GGT1: variants seen among roughly 807,000 people sequenced by gnomAD.
GGT1 encodes the protein gamma-glutamyltransferase 1, also known as glutathione hydrolase 1 proenzyme.
Under a neutral mutation model 56.0 loss-of-function variants are expected in GGT1, and 21 were observed. The observed-to-expected ratio is 0.38, with a 90% CI of 0.27 to 0.54. The LOEUF (loss-of-function observed/expected upper bound fraction) is 0.54. Among genes scored for constraint, GGT1 ranks in the 20% least tolerant of loss-of-function variants. GGT1 has a pLI of 0.82. For synonymous variants in GGT1, 238 were observed against 342.6 expected (o/e 0.69, Z 3.37); for missense variants, 466 against 787.0 (o/e 0.59, Z 4.88).
At chr22:24,593,069 A>C, upstream of GGT1, 1 of 1,036,138 alleles carries the variant, frequency 9.7e-7, no homozygotes, top group Non-Finnish European at 1.2e-6. Flanking sequence ...CCGAACCCAC[A>C]GGAGGCCGGG....
Position 24,621,000 on chromosome 22 carries a change from C to T in GGT1, c.663C>T (p.Ala221=). ...PQLADTYETL[A]IEGAQAFYNG... is the part of the protein sequence containing the mutation. The stretch of plus-strand genomic sequence containing the variant: ...TGGCTGACACCTACGAGACGCTGGC[C>T]ATCGAGGGTGCCCAGGCCTTCTACA... Residue 221 remains alanine, a synonymous_variant, in exon 9 of 16, where the codon GCC becomes GCT. Transcript: ENST00000400382. This position sits in a 1 kb window ranked among gnomAD's most constrained non-coding sequence, Gnocchi z 5.6. The T allele has an allele frequency of 3.1e-6, 5 of 1,611,454 alleles. No individual in the cohort carries two copies. The highest frequency in any genetic ancestry group is 4.2e-6 in the Non-Finnish European group (5 of 1,179,624).
chr22:24,623,976 G>A, intron 11 of GGT1, 60 bp downstream of exon 11: 2 of 1,603,958 alleles, frequency 1.2e-6, no homozygotes, highest in South Asian at 1.1e-5. Flanking sequence ...CATCAGGTGG[G>A]CTCCCCAGGG....
At position 24,604,222 on chromosome 22, in the gene GGT1, C is replaced by T. The variant is rs541948954; in HGVS notation, c.-429+695C>T. ...GGGGTGGGTGGGTCCTGGGCTTACC[C>T]GCAGGTCTGCAGACTTCCTGGGGCC... On this transcript the variant is annotated intron_variant, in intron 1 of 15. Coordinates refer to ENST00000400382, the MANE Select transcript of GGT1 (RefSeq NM_001288833.2). Among the ~76,000 whole-genome samples, 115 of 152,152 alleles carry T rather than the reference C, an allele frequency of 7.6e-4. 1 individual carries two copies. Among genetic ancestry groups the T allele is most frequent in the African/African-American group, 2.6e-3 (109 of 41,488 alleles).
intron 7 of GGT1, among the ~76,000 whole-genome samples, chr22:24,619,777 C>G (rs4049855): frequency 0.42 from 62,244 of 148,002 alleles, 14,433 homozygotes; most frequent in African/African-American, 0.63. Context: ...GGCACATTCT[C>G]GTGGAGCCCA....
chr22:24,605,296 T>C (rs576552943), intron 1 of GGT1, among the ~76,000 whole-genome samples: 1,237 of 30,400 alleles, frequency 0.041, 221 homozygotes, highest in Middle Eastern at 0.12. Context: ...TTATATAATA[T>C]GTATTATATA....
Position 24,628,011 on chromosome 22 carries a change from G to C in GGT1, c.1336+32G>C. 1 of 1,610,708 alleles carries C rather than the reference G, an allele frequency of 6.2e-7. No individual in the cohort carries two copies. Among genetic ancestry groups the C allele is most frequent in the Non-Finnish European group, 8.5e-7 (1 of 1,179,416 alleles). On this transcript the variant is annotated intron_variant, in intron 13 of 15. Transcript: ENST00000400382. This position sits in a 1 kb window ranked among gnomAD's most constrained non-coding sequence, Gnocchi z 5.7. ...GGTGGAGGTCCGGGGGTGGGGGACTGGGGTGGAGAGGGGCGGGTGTCCTGG... is the reference window on the plus strand; with the variant it reads ...GGTGGAGGTCCGGGGGTGGGGGACTCGGGTGGAGAGGGGCGGGTGTCCTGG...
chr22:24,585,369 C>T, the GGT1 span, among the ~76,000 whole-genome samples: 2,994 of 152,292 alleles, frequency 0.02, 35 homozygotes, highest in Non-Finnish European at 0.031. Context: ...CGCTCCTTCG[C>T]AGCTCCCCTT....
Position 24,623,927 on chromosome 22 carries a change from G to C in GGT1, c.1020+11G>C. 4 of 1,609,426 alleles carry C rather than the reference G, an allele frequency of 2.5e-6. No individual in the cohort carries two copies. Among genetic ancestry groups the C allele is most frequent in the Non-Finnish European group, 3.4e-6 (4 of 1,178,930 alleles). On this transcript the variant is annotated intron_variant, in intron 11 of 15. Transcript: ENST00000400382. Reference sequence around the variant, plus strand: ...GTGGATGTGACTGAGGTAAGGGGCAGGGGCTGGCCCACTGTGGGTGTGGGG... The same window carrying C: ...GTGGATGTGACTGAGGTAAGGGGCACGGGCTGGCCCACTGTGGGTGTGGGG...
chr22:24,584,412 G>C, the GGT1 span, among the ~76,000 whole-genome samples: 4 of 152,178 alleles, frequency 2.6e-5, no homozygotes, highest in African/African-American at 9.7e-5. Flanking sequence ...TGAGATCAGT[G>C]GGGTCTGAGG....
the GGT1 span, chr22:24,586,267 G>A: frequency 1.9e-6 from 3 of 1,613,894 alleles, no homozygotes; most frequent in East Asian, 6.7e-5. Flanking sequence ...TCAGCCCCGT[G>A]AAGCTCAGGT....
At chr22:24,596,525 A>G (rs1394671535) in intron 1 of GGT1, among the ~76,000 whole-genome samples, 1 of 152,072 alleles carries the variant, frequency 6.6e-6, no homozygotes, top group Non-Finnish European at 1.5e-5. Context: ...CCTGGGTCCA[A>G]GCAGTCCTCC....
chr22:24,617,679 G>A (rs967258451), intron 7 of GGT1, among the ~76,000 whole-genome samples: 1 of 152,042 alleles, frequency 6.6e-6, no homozygotes, highest in Non-Finnish European at 1.5e-5. Flanking sequence ...AGGTTGAGCA[G>A]ACACTCAGGA....
At position 24,607,981 on chromosome 22, in the gene GGT1, G is replaced by A. The variant is rs573284733; in HGVS notation, c.-401G>A. 2.1e-6 allele frequency: 1 copy of A among 469,126 alleles called. No individual in the cohort carries two copies. Among genetic ancestry groups the A allele is most frequent in the Non-Finnish European group, 4.4e-6 (1 of 226,814 alleles). The allele number at this position is 469,126 out of a possible 1,614,324, so 29.1% of individuals were successfully genotyped here. On this transcript the variant is annotated 5_prime_UTR_variant, in exon 2 of 16. Transcript: ENST00000400382. ...GGTGCAGCCCAGAACTGTCTTCTGA[G>A]GAAGAGGTGCTCTCCTGGGCCCCCA...
the GGT1 span, chr22:24,588,986 C>T: frequency 9.9e-7 from 1 of 1,011,858 alleles, no homozygotes. Context: ...TCCAGTCCCT[C>T]TGTGAGCAGC....
At position 24,623,786 on chromosome 22, in the gene GGT1, A is replaced by G. The variant is rs1358299475; in HGVS notation, c.890A>G (p.Asn297Ser). ...CCTGGCTCTGATCAACCAGGGTACAACTTCTCCCGGGAGAGCGTGGAGAGC... is the reference window on the plus strand; with the variant it reads ...CCTGGCTCTGATCAACCAGGGTACAGCTTCTCCCGGGAGAGCGTGGAGAGC... ...ALILNILKGY[N>S]FSRESVESPE... Residue 297 changes from asparagine to serine, a missense_variant, in exon 11 of 16, where the codon AAC (asparagine) becomes AGC (serine). Asn to Ser is a conservative substitution (Grantham distance 46, BLOSUM62 1). Around this residue, in one of 2 missense-constraint regions of GGT1, gnomAD observed 456 missense variants for 716.7 expected, o/e 0.64. Transcript: ENST00000400382. 3.1e-6 allele frequency: 5 copies of G among 1,611,576 alleles called. No homozygotes were observed. Among genetic ancestry groups the G allele is most frequent in the Non-Finnish European group, 4.2e-6 (5 of 1,179,792 alleles).
At chr22:24,625,005 T>TA (rs1417474123) in intron 11 of GGT1, among the ~76,000 whole-genome samples, 1 of 152,112 alleles carries the variant, frequency 6.6e-6, no homozygotes, top group African/African-American at 2.4e-5. Context: ...TACAAAAATG[T>TA]AAAAAAACCC....
chr22:24,586,703 G>A, the GGT1 span, among the ~76,000 whole-genome samples: 18 of 152,342 alleles, frequency 1.2e-4, no homozygotes, highest in African/African-American at 4.1e-4. Flanking sequence ...GGCTAATTTT[G>A]TATTTTTAGT....
upstream of GGT1, among the ~76,000 whole-genome samples, chr22:24,590,216 T>A (rs770166167): frequency 2.0e-5 from 3 of 152,164 alleles, no homozygotes; most frequent in African/African-American, 2.4e-5. Flanking sequence ...CAGTGTAACA[T>A]CTGCCTCCTC....
At chr22:24,605,940 TATATA>T (rs1485882096) in intron 1 of GGT1, among the ~76,000 whole-genome samples, 4 of 89,906 alleles carry the variant, frequency 4.4e-5, no homozygotes, top group African/African-American at 9.8e-5. Flanking sequence ...TTATATATAA[TATATA>T]ATATTATATA....
Sources: gnomAD v4.1 joint callset for allele counts (sites outside exome capture counted in the v4.1 genomes callset) on GRCh38, gnomAD v4.1.1 for gene constraint, gnomAD v4.1.1 regional missense constraint, Gnocchi (gnomAD v3.1) non-coding constraint, MANE v1.5 for transcripts, NCBI Gene and HGNC (gene_info 2026-07-23, HGNC 2026-07-21) for gene names.